Variants in PEAK1 observed in about 807,000 individuals in gnomAD.
The protein encoded by PEAK1 is inactive tyrosine-protein kinase PEAK1.
Under a neutral mutation model 124.7 loss-of-function variants are expected in PEAK1, and 54 were observed. The ratio of observed to expected loss-of-function variants is 0.43; its 90% CI spans 0.35 to 0.54. The LOEUF is 0.54. PEAK1 is among the 20% of genes least tolerant of loss of function. PEAK1 has a pLI of 0.01. For missense variants in PEAK1, 2,046 were observed against 2,134.5 expected (o/e 0.96, Z 0.82); for synonymous variants, 719 against 760.0 (o/e 0.95, Z 0.89).
chr15:77,404,175 T>C (rs1468971754), intron 1 of PEAK1: 6 of 985,324 alleles, frequency 6.1e-6, no homozygotes, highest in Admixed American at 1.2e-4. Flanking sequence ...CTAATTTTAT[T>C]GAGGCAAAGG....
rs150716807 is a variant in PEAK1, at chr15:77,373,360, C to T, written c.-665-8135G>A. 4.6e-5 allele frequency among the ~76,000 whole-genome samples: 7 copies of T among 152,276 alleles called. No homozygotes were observed. In the East Asian group the frequency reaches 1.3e-3, roughly 29 times the overall value. ...TCCCCTATGCACGTTTATATACTTA[C>T]ATAAGTACCTCTCAAACTATATCAT... On this transcript the variant is annotated intron_variant, in intron 1 of 9. Transcript: ENST00000682557.
intron 2 of PEAK1, among the ~76,000 whole-genome samples, chr15:77,339,769 T>A (rs1336568454): frequency 1.3e-5 from 2 of 152,178 alleles, no homozygotes; most frequent in African/African-American, 4.8e-5. Flanking sequence ...CAGGATGTTA[T>A]CTAAAATATA....
chr15:77,262,777 C>T (rs987714903), intron 5 of PEAK1, among the ~76,000 whole-genome samples: 6 of 151,920 alleles, frequency 3.9e-5, no homozygotes, highest in Non-Finnish European at 7.4e-5. Context: ...CAGAACTCTC[C>T]ACCCCAAATC....
intron 1 of PEAK1, chr15:77,403,331 A>G: frequency 1.1e-6 from 1 of 938,426 alleles, no homozygotes; most frequent in Non-Finnish European, 1.3e-6. Flanking sequence ...TTAAAATAAG[A>G]TAGTAACATA....
At chr15:77,411,820 C>A (rs1231058168) in intron 1 of PEAK1, among the ~76,000 whole-genome samples, 7 of 151,956 alleles carry the variant, frequency 4.6e-5, no homozygotes, top group African/African-American at 1.4e-4. Context: ...TCTCACTACC[C>A]AGGCTGGTCT....
At chr15:77,143,416 C>T (rs189745898) in intron 8 of PEAK1, among the ~76,000 whole-genome samples, 436 of 152,212 alleles carry the variant, frequency 2.9e-3, no homozygotes, top group Non-Finnish European at 4.3e-3. Context: ...GTTTTTCAAA[C>T]GCCAAAGCAT....
intron 1 of PEAK1, among the ~76,000 whole-genome samples, chr15:77,386,027 T>C (rs1355887990): frequency 2.6e-5 from 4 of 152,198 alleles, no homozygotes; most frequent in East Asian, 1.9e-4. Flanking sequence ...ACTATTTTCA[T>C]AGAACTGCTA....
chr15:77,292,535 G>A (rs2063276625), intron 2 of PEAK1, among the ~76,000 whole-genome samples: 1 of 151,344 alleles, frequency 6.6e-6, no homozygotes, highest in African/African-American at 2.4e-5. Context: ...GCATTAAGTA[G>A]ACTGCAAAAG....
At chr15:77,371,526 C>A (rs1307282056) in intron 1 of PEAK1, 1 of 812,360 alleles carries the variant, frequency 1.2e-6, no homozygotes, top group Non-Finnish European at 1.5e-6. Context: ...CCACCACCAC[C>A]ACCACCACCA....
intron 8 of PEAK1, among the ~76,000 whole-genome samples, chr15:77,149,451 A>T (rs2054416151): frequency 6.6e-6 from 1 of 152,236 alleles, no homozygotes; most frequent in East Asian, 1.9e-4. Context: ...GTTTTTAAAC[A>T]CACCATTTTT....
At chr15:77,172,883 C>G (rs571997862) in intron 7 of PEAK1, among the ~76,000 whole-genome samples, 1 of 152,168 alleles carries the variant, frequency 6.6e-6, no homozygotes, top group East Asian at 1.9e-4. Context: ...CTCCTGAGTA[C>G]CTGGGATCAC....
At chr15:77,275,347 G>T (rs895891165) in intron 5 of PEAK1, among the ~76,000 whole-genome samples, 1 of 152,058 alleles carries the variant, frequency 6.6e-6, no homozygotes, top group Non-Finnish European at 1.5e-5. Context: ...AAATAAATAT[G>T]TACATCTTGG....
chr15:77,324,905 G>A (rs903118390), intron 2 of PEAK1, among the ~76,000 whole-genome samples: 1 of 152,080 alleles, frequency 6.6e-6, no homozygotes. Context: ...TTTGGATGGG[G>A]ACACAGATTC....
At chr15:77,127,851 G>T (rs1054030487) in intron 9 of PEAK1, among the ~76,000 whole-genome samples, 4 of 152,114 alleles carry the variant, frequency 2.6e-5, no homozygotes, top group Non-Finnish European at 4.4e-5. Context: ...AGGCTGAGGC[G>T]GGTGGATCAT....
rs555406622 is a variant in PEAK1 at position 77,234,473 on chromosome 15, G to C, written c.-115+17894C>G. On this transcript the variant is annotated intron_variant, in intron 6 of 9. Transcript: ENST00000682557. ...AATAATTTAATTTTTATAAAATAAA[G>C]CATGCTTCCATGAAAAATGTAAGAA... Among the ~76,000 whole-genome samples the C allele has an allele frequency of 1.9e-3, 290 of 152,036 alleles. 4 individuals are homozygous for C. The South Asian group carries it at 0.02, about 10-fold the overall frequency.
At chr15:77,319,162 C>T (rs2065049523) in intron 2 of PEAK1, among the ~76,000 whole-genome samples, 1 of 151,850 alleles carries the variant, frequency 6.6e-6, no homozygotes, top group African/African-American at 2.4e-5. Flanking sequence ...TTAAACTATT[C>T]TTACAGAAAA....
At chr15:77,147,316 CTG>C (rs1414694401) in intron 8 of PEAK1, among the ~76,000 whole-genome samples, 2 of 152,112 alleles carry the variant, frequency 1.3e-5, no homozygotes, top group African/African-American at 4.8e-5. Flanking sequence ...TTAGTACCTA[CTG>C]TGTGTTTTAG....
chr15:77,396,662 A>G (rs2070911869), intron 1 of PEAK1, among the ~76,000 whole-genome samples: 1 of 152,192 alleles, frequency 6.6e-6, no homozygotes, highest in Non-Finnish European at 1.5e-5. Flanking sequence ...TTTCAAGACA[A>G]AAACTACAGA....
intron 2 of PEAK1, among the ~76,000 whole-genome samples, chr15:77,355,195 T>C (rs1191738712): frequency 6.6e-6 from 1 of 152,090 alleles, no homozygotes; most frequent in African/African-American, 2.4e-5. Context: ...TAGCATGGTG[T>C]AGTGGATTGA....
Sources: allele counts gnomAD v4.1 joint callset (sites outside exome capture counted in the v4.1 genomes callset), GRCh38; gene constraint gnomAD v4.1.1; transcripts MANE v1.5; gene names NCBI Gene and HGNC (gene_info 2026-07-23, HGNC 2026-07-21).